Variants in ZNF276 observed in about 807,000 individuals in gnomAD.
ZNF276 encodes centromere protein Z.
A neutral mutation model predicts 63.9 loss-of-function variants in ZNF276; 59 were observed. That is an observed-to-expected ratio of 0.92 (90% CI 0.75 to 1.15). The LOEUF is 1.15. Ranked by LOEUF, ZNF276 falls within the 50% of genes most tolerant of loss-of-function variation. ZNF276 has a pLI of 0.00. For synonymous variants in ZNF276, 496 were observed against 348.4 expected, an observed-to-expected ratio of 1.42 and a Z score of -4.72; for missense variants, 1,084 against 843.8, an observed-to-expected ratio of 1.28 and a Z score of -3.53.
At chr16:89,731,483 G>C (rs866175557) in intron 6 of ZNF276, 1 of 152,406 alleles carries the variant, frequency 6.6e-6, no homozygotes, top group African/African-American at 2.4e-5. Flanking sequence ...TCGAACTCCT[G>C]ACCTCATGAT....
Position 89,734,028 on chromosome 16 carries a change from C to T in ZNF276, c.1464C>T (p.Leu488=), listed in dbSNP as rs1231189137. The T allele has an allele frequency of 6.8e-6, 11 of 1,613,984 alleles. No homozygotes were observed. The highest frequency in any genetic ancestry group is 9.3e-6 in the Non-Finnish European group (11 of 1,179,986). ...IDRYLQRHVK[L]IHTEVRNYIC... is the part of the protein sequence containing the mutation. ...GCTACCTGCAGCGCCACGTGAAGCT[C>T]ATCCACACAGGTACGCCTATCGCCA... is the stretch of plus-strand genomic sequence containing the variant. The change falls in exon 9 of 11, where the codon CTC becomes CTT. Residue 488 remains leucine, a synonymous_variant. Coordinates refer to ENST00000443381, the MANE Select transcript of ZNF276 (RefSeq NM_001113525.2).
chr16:89,730,353 T>G (rs71396954), intron 6 of ZNF276, among the ~76,000 whole-genome samples: 2,481 of 152,222 alleles, frequency 0.016, 39 homozygotes, highest in South Asian at 0.095. Flanking sequence ...CCCTCCGGGT[T>G]GAGTCTGAAT....
At chr16:89,728,451 T>C (rs2151677381) in intron 5 of ZNF276, among the ~76,000 whole-genome samples, 1 of 152,266 alleles carries the variant, frequency 6.6e-6, no homozygotes, top group South Asian at 2.1e-4. Context: ...TTGCCCAGGC[T>C]GGAGTGCAGT....
At position 89,740,175 on chromosome 16, in the gene ZNF276, A is replaced by C. The variant is rs2151715142; in HGVS notation, c.*1929A>C. ...TGGGTAGGAGGGTACAGCCCTCAGC[A>C]CAGAAGAGGGCATTTCCTCTTTGCT... On this transcript the variant is annotated 3_prime_UTR_variant, in exon 11 of 11. Transcript: ENST00000443381. 2 of 1,129,920 alleles carry C rather than the reference A, an allele frequency of 1.8e-6. No individual in the cohort carries two copies. The highest frequency in any genetic ancestry group is 2.7e-6 in the Non-Finnish European group (2 of 739,780). 70.0% of individuals were successfully genotyped at this position (1,129,920 alleles called of 1,614,324 possible).
Position 89,721,808 on chromosome 16 carries a change from C to T in ZNF276, c.168C>T (p.Ser56=). 9 of 1,237,908 alleles carry T rather than the reference C, an allele frequency of 7.3e-6. No individual in the cohort carries two copies. The highest frequency in any genetic ancestry group is 9.1e-6 in the Non-Finnish European group (9 of 991,566). 76.7% of individuals were successfully genotyped at this position (1,237,908 alleles called of 1,614,324 possible). ...GGCGCGCCTGGGGCCCGGTGGGGTCCTGCGGGGACGCGGGCGAGGACGGCG... is the reference window on the plus strand; with the variant it reads ...GGCGCGCCTGGGGCCCGGTGGGGTCTTGCGGGGACGCGGGCGAGGACGGCG... ...TARRAWGPVG[S]CGDAGEDGAD... The change falls in exon 1 of 11, where the codon TCC becomes TCT. Residue 56 remains serine (S), a synonymous_variant. Transcript: ENST00000443381.
At chr16:89,724,583 G>A (rs144390044) in intron 4 of ZNF276, among the ~76,000 whole-genome samples, 2 of 152,338 alleles carry the variant, frequency 1.3e-5, no homozygotes, top group East Asian at 1.9e-4. Flanking sequence ...GGAGGCGGAA[G>A]TTGCAGTGAG....
intron 6 of ZNF276, chr16:89,732,160 GTCTCTC>G (rs200159443): frequency 6.4e-5 from 8 of 125,244 alleles, no homozygotes; most frequent in African/African-American, 2.6e-4. Flanking sequence ...CCACAAGTGC[GTCTCTC>G]TCTTTAAGTC....
At chr16:89,736,559 T>C (rs1312293902) in intron 9 of ZNF276, among the ~76,000 whole-genome samples, 1 of 51,652 alleles carries the variant, frequency 1.9e-5, no homozygotes, top group East Asian at 3.0e-3. Flanking sequence ...TTGAACTGAC[T>C]TCATGATCCG....
chr16:89,732,640 TTTGCCCTGACCCTCCTGTACCCTGCGTCC>T, intron 6 of ZNF276: 1 of 214,234 alleles, frequency 4.7e-6, no homozygotes, highest in South Asian at 5.9e-5. Flanking sequence ...CTCCGCTGTG[TTTGCCCTGACCCTCCTGTACCCTGCGTCC>T]TCGCCCTCTG....
chr16:89,720,727 C>A (rs1445110066), upstream of ZNF276: 20 of 1,418,398 alleles, frequency 1.4e-5, no homozygotes, highest in Non-Finnish European at 1.8e-5. Flanking sequence ...CAGGGGCCAC[C>A]CTCAGCGGCC....
intron 6 of ZNF276, chr16:89,731,815 C>G (rs1229434531): frequency 1.3e-5 from 2 of 152,236 alleles, no homozygotes; most frequent in African/African-American, 4.8e-5. Context: ...ATTTTGTGCC[C>G]TGCAACTTTG....
upstream of ZNF276, chr16:89,720,913 C>T (rs1266416343): frequency 7.9e-6 from 10 of 1,268,764 alleles, no homozygotes; most frequent in South Asian, 1.7e-4. Context: ...GACGGGCGAC[C>T]GGAGGCCCGG....
At chr16:89,724,348 CTT>C (rs2061403661) in intron 4 of ZNF276, among the ~76,000 whole-genome samples, 1 of 152,206 alleles carries the variant, frequency 6.6e-6, no homozygotes, top group South Asian at 2.1e-4. Context: ...TCAGTTCCCA[CTT>C]TGAGTCTTGA....
chr16:89,721,512 T>G, upstream of ZNF276: 2 of 940,312 alleles, frequency 2.1e-6, no homozygotes, highest in Non-Finnish European at 2.9e-6. Context: ...CCGCCTCGCT[T>G]TGCTTCTCGC....
upstream of ZNF276, chr16:89,721,534 C>T: frequency 8.4e-7 from 1 of 1,191,212 alleles, no homozygotes; most frequent in Admixed American, 3.1e-5. Context: ...CCGCCCCTCC[C>T]CCGCCCCGCC....
At position 89,738,703 on chromosome 16, in the gene ZNF276, C is replaced by G. The variant is rs2062031821; in HGVS notation, c.*457C>G. ...CTGGGTCGCAGTCCCCACGATCAGC[C>G]AGCAGCTGTGAGAGAGGAGCAGGTC... On this transcript the variant is annotated 3_prime_UTR_variant, in exon 11 of 11. Coordinates refer to ENST00000443381, the MANE Select transcript of ZNF276 (RefSeq NM_001113525.2). The G allele has an allele frequency of 6.2e-7, 1 of 1,613,778 alleles. No individual in the cohort carries two copies. The highest frequency in any genetic ancestry group is 8.5e-7 in the Non-Finnish European group (1 of 1,179,982).
rs2049528619 is a variant in ZNF276 at position 89,738,680 on chromosome 16, G to GGGTC, written c.*436_*439dup. 6.2e-7 allele frequency: 1 copy of GGGTC among 1,613,790 alleles called. No homozygotes were observed. The highest frequency in any genetic ancestry group is 8.5e-7 in the Non-Finnish European group (1 of 1,180,022). ...GCTCTGGAGGGCGGCGCTCACCTCT[G>GGGTC]GGTCGCAGTCCCCACGATCAGCCAG... On this transcript the variant is annotated 3_prime_UTR_variant, in exon 11 of 11. Coordinates refer to ENST00000443381, the MANE Select transcript of ZNF276 (RefSeq NM_001113525.2).
intron 2 of ZNF276, 35 bp from the exon 3 acceptor site, chr16:89,723,102 C>G: frequency 6.2e-7 from 1 of 1,613,044 alleles, no homozygotes; most frequent in Non-Finnish European, 8.5e-7. Context: ...CCTCCGCCTG[C>G]TTGTCCTGCT....
chr16:89,727,142 G>A, intron 4 of ZNF276, 137 bp from the exon 5 acceptor site: 1 of 879,128 alleles, frequency 1.1e-6, no homozygotes, highest in African/African-American at 1.6e-5. Flanking sequence ...GTGGGGATGG[G>A]GCCATGGTGG....
Sources: allele counts gnomAD v4.1 joint callset (sites outside exome capture counted in the v4.1 genomes callset), GRCh38; gene constraint gnomAD v4.1.1; transcripts MANE v1.5; gene names NCBI Gene and HGNC (gene_info 2026-07-23, HGNC 2026-07-21).